Variants in LINGO2 observed in about 807,000 individuals in gnomAD.
The protein encoded by LINGO2 is leucine-rich repeat and immunoglobulin-like domain-containing nogo receptor-interacting protein 2.
LINGO2 carries 14 observed loss-of-function variants against 30.6 expected under a neutral mutation model. The ratio of observed to expected loss-of-function variants is 0.46; its 90% confidence interval spans 0.30 to 0.72. The LOEUF is 0.72. Among genes scored for constraint, LINGO2 ranks in the 30% least tolerant of loss-of-function variants. The pLI is 0.07. For synonymous variants in LINGO2, 317 were observed against 288.5 expected (o/e 1.10, Z -1.00); for missense variants, 729 against 751.7 (o/e 0.97, Z 0.35).
intron 5 of LINGO2, among the ~76,000 whole-genome samples, chr9:28,004,536 G>A (rs1042444773): frequency 1.3e-5 from 2 of 152,180 alleles, no homozygotes; most frequent in African/African-American, 4.8e-5. Context: ...GTCATTTAGT[G>A]TATTTATCAA....
In LINGO2 at chr9:28,336,605, C is replaced by A. The variant is rs79993687; in HGVS notation, c.-246+36231G>T. 6.0e-3 allele frequency among the ~76,000 whole-genome samples: 912 copies of A among 152,196 alleles called. 8 individuals are homozygous for A. The highest frequency in any genetic ancestry group is 0.018 in the Admixed American group (268 of 15,286). ...TTTTAAAATAACATCAGTTTTAGGT[C>A]AAACTTCATTCTTTGGTCTACTGCT... On this transcript the variant is annotated intron_variant, in intron 3 of 5. Coordinates refer to ENST00000379992, the Ensembl canonical transcript of LINGO2.
rs879205237 is a variant in LINGO2, at chr9:27,981,185, T to G, written c.-35-30479A>C. Among the ~76,000 whole-genome samples the G allele has an allele frequency of 3.3e-5, 5 of 151,814 alleles. 1 individual carries two copies. The highest frequency in any genetic ancestry group is 3.3e-4 in the Admixed American group (5 of 15,204). ...TCCACTGTTTCCAAAAGCCAGTTAA[T>G]ACTCCTGCCTCTGTTTCTCTCTCTC... is the stretch of plus-strand genomic sequence containing the variant. On this transcript the variant is annotated intron_variant, in intron 5 of 5. Coordinates refer to ENST00000379992, the Ensembl canonical transcript of LINGO2.
intron 1 of LINGO2, among the ~76,000 whole-genome samples, chr9:28,508,321 C>G (rs1218591475): frequency 6.6e-6 from 1 of 152,002 alleles, no homozygotes; most frequent in African/African-American, 2.4e-5. Flanking sequence ...TTTGGATGTG[C>G]TATTCTATGG....
intron 5 of LINGO2, among the ~76,000 whole-genome samples, chr9:27,980,809 G>T (rs1231512824): frequency 1.3e-5 from 2 of 151,796 alleles, no homozygotes; most frequent in African/African-American, 4.8e-5. Flanking sequence ...CAGCTTGAGG[G>T]GATAAGGCAA....
intron 3 of LINGO2, among the ~76,000 whole-genome samples, chr9:28,369,969 G>A (rs1173484805): frequency 6.6e-6 from 1 of 152,052 alleles, no homozygotes; most frequent in African/African-American, 2.4e-5. Context: ...TTCTAAATGT[G>A]TGGTGCTCAA....
intron 1 of LINGO2, among the ~76,000 whole-genome samples, chr9:28,590,494 G>A (rs543573490): frequency 4.3e-4 from 66 of 151,788 alleles, no homozygotes; most frequent in African/African-American, 5.3e-4. Flanking sequence ...AAAAGTGGGC[G>A]AAGGATATGA....
chr9:28,547,967 A>G (rs1047317918), intron 1 of LINGO2, among the ~76,000 whole-genome samples: 1 of 152,146 alleles, frequency 6.6e-6, no homozygotes, highest in Non-Finnish European at 1.5e-5. Flanking sequence ...TAACAAAATC[A>G]GACTCTGGCT....
At chr9:29,017,246 A>T in the LINGO2 span, among the ~76,000 whole-genome samples, 1 of 152,118 alleles carries the variant, frequency 6.6e-6, no homozygotes. Context: ...ATGTATAAAA[A>T]CAGATCCAGA....
intron 4 of LINGO2, among the ~76,000 whole-genome samples, chr9:28,242,132 T>C (rs1037056818): frequency 2.6e-5 from 4 of 152,096 alleles, no homozygotes; most frequent in South Asian, 2.1e-4. Context: ...GATGGACAAA[T>C]TGACAAAAGT....
At chr9:28,293,734 A>C (rs1390160534) in intron 4 of LINGO2, among the ~76,000 whole-genome samples, 5 of 152,174 alleles carry the variant, frequency 3.3e-5, no homozygotes, top group Admixed American at 2.0e-4. Flanking sequence ...TGAGGTTTTG[A>C]CATGTAACCC....
the LINGO2 span, among the ~76,000 whole-genome samples, chr9:29,170,847 A>T: frequency 6.6e-6 from 1 of 152,158 alleles, no homozygotes; most frequent in Non-Finnish European, 1.5e-5. Context: ...TAAAATAAAT[A>T]TGACACTTTT....
chr9:29,127,098 T>C, the LINGO2 span, among the ~76,000 whole-genome samples: 1 of 152,024 alleles, frequency 6.6e-6, no homozygotes, highest in East Asian at 1.9e-4. Flanking sequence ...CACTACTTCA[T>C]TTACATAGGG....
chr9:29,053,316 T>A, the LINGO2 span, among the ~76,000 whole-genome samples: 115 of 152,286 alleles, frequency 7.6e-4, 2 homozygotes, highest in East Asian at 0.016. Flanking sequence ...ATGGATAGTT[T>A]CTGTTTGAAC....
the LINGO2 span, among the ~76,000 whole-genome samples, chr9:28,744,609 C>CGTGTGTGTGTTTGTGTGTGT: frequency 7.5e-6 from 1 of 133,954 alleles, no homozygotes; most frequent in Non-Finnish European, 1.5e-5. Context: ...ATATTCCCCT[C>CGTGTGTGTGTTTGTGTGTGT]GTGTGTGTGT....
the LINGO2 span, among the ~76,000 whole-genome samples, chr9:29,198,166 T>C: frequency 6.6e-6 from 1 of 152,090 alleles, no homozygotes; most frequent in African/African-American, 2.4e-5. Flanking sequence ...CAATGGTCTG[T>C]AGAACAAGAT....
At chr9:28,371,025 A>C (rs1237416711) in intron 3 of LINGO2, among the ~76,000 whole-genome samples, 2 of 152,214 alleles carry the variant, frequency 1.3e-5, no homozygotes, top group African/African-American at 4.8e-5. Context: ...CGTAAATGGA[A>C]GCATGACCAT....
At chr9:27,978,746 T>C (rs1192075691) in intron 5 of LINGO2, among the ~76,000 whole-genome samples, 1 of 151,972 alleles carries the variant, frequency 6.6e-6, no homozygotes, top group African/African-American at 2.4e-5. Flanking sequence ...GCCTTTAATA[T>C]AGAATCCAGC....
chr9:28,051,900 TAG>T (rs771762731), intron 4 of LINGO2, among the ~76,000 whole-genome samples: 12 of 152,174 alleles, frequency 7.9e-5, no homozygotes, highest in Non-Finnish European at 1.6e-4. Context: ...ACAGTAGTGT[TAG>T]AGTTTCTTAT....
chr9:28,990,357 C>A, the LINGO2 span, among the ~76,000 whole-genome samples: 45 of 152,188 alleles, frequency 3.0e-4, no homozygotes, highest in African/African-American at 9.1e-4. Context: ...CTGGGAAGCT[C>A]GAACTGGGTG....
Sources: gnomAD v4.1 joint callset for allele counts (sites outside exome capture counted in the v4.1 genomes callset) on GRCh38, gnomAD v4.1.1 for gene constraint, MANE v1.5 for transcripts, NCBI Gene and HGNC (gene_info 2026-07-23, HGNC 2026-07-21) for gene names.